FAF2: variants seen among roughly 807,000 people sequenced by gnomAD.
FAF2 encodes the protein Fas associated factor family member 2.
In FAF2, 9 loss-of-function variants were observed where a neutral mutation model predicts 62.3. The observed-to-expected ratio is 0.14, with a 90% CI of 0.09 to 0.25. FAF2 has a LOEUF of 0.25. Among genes scored for constraint, FAF2 ranks in the 10% least tolerant of loss-of-function variants. The pLI, the probability that FAF2 is intolerant of heterozygous loss-of-function variation, is 1.00. For missense variants in FAF2, 368 were observed against 556.2 expected, an observed-to-expected ratio of 0.66 and a Z score of 3.40; for synonymous variants, 202 against 198.0, an observed-to-expected ratio of 1.02 and a Z score of -0.17.
Position 176,478,500 on chromosome 5 carries a change from AG to A in FAF2, c.64-682del, listed in dbSNP as rs1273158683. On this transcript the variant is annotated intron_variant, in intron 1 of 10. Transcript: ENST00000261942. ...TCTCGAAAAAAAAGTGGCGGGGGGT[AG>A]GGGGGTCGGTATGTTAGGTTTTACA... 7.2e-5 allele frequency among the ~76,000 whole-genome samples: 11 copies of A among 151,752 alleles called. No individual in the cohort carries two copies. In the South Asian group the frequency reaches 1.5e-3, roughly 20 times the overall value.
intron 1 of FAF2, among the ~76,000 whole-genome samples, chr5:176,465,760 G>T (rs1367164728): frequency 6.6e-6 from 1 of 152,178 alleles, no homozygotes; most frequent in Non-Finnish European, 1.5e-5. Context: ...GGGAGGCTGA[G>T]GCAGGAGAAT....
At chr5:176,451,853 TATACAC>T (rs1166822170) in intron 1 of FAF2, among the ~76,000 whole-genome samples, 854 of 46,846 alleles carry the variant, frequency 0.018, 129 homozygotes, top group African/African-American at 0.073. Flanking sequence ...CACACATATA[TATACAC>T]ATATATATAT....
intron 8 of FAF2, among the ~76,000 whole-genome samples, chr5:176,498,202 A>G (rs900782132): frequency 6.6e-6 from 1 of 152,254 alleles, no homozygotes; most frequent in African/African-American, 2.4e-5. Context: ...AAAAAAATGT[A>G]TAGAACAGGA....
intron 1 of FAF2, among the ~76,000 whole-genome samples, chr5:176,450,144 T>A (rs1296517790): frequency 6.6e-6 from 1 of 152,242 alleles, no homozygotes; most frequent in Non-Finnish European, 1.5e-5. Flanking sequence ...TAGACTTCAC[T>A]ATAATAAATT....
chr5:176,506,615 T>A (rs137947269), intron 10 of FAF2, among the ~76,000 whole-genome samples, 153 bp from the exon 11 acceptor site: 1 of 152,304 alleles, frequency 6.6e-6, no homozygotes, highest in East Asian at 1.9e-4. Context: ...ATGAAAAGAT[T>A]AGAATTCCAG....
chr5:176,477,210 G>T lies in FAF2; in HGVS notation c.64-1978G>T, dbSNP rs1758715626. 2.1e-5 allele frequency among the ~76,000 whole-genome samples: 3 copies of T among 142,498 alleles called. No homozygotes were observed. In the Admixed American group the frequency reaches 2.2e-4, roughly 10 times the overall value. The allele number at this position is 142,498 out of a possible 152,430, so 93.5% of individuals were successfully genotyped here. On this transcript the variant is annotated intron_variant, in intron 1 of 10. Coordinates refer to ENST00000261942, the MANE Select transcript of FAF2 (RefSeq NM_014613.3). ...TCTGACCGCCTCGGCCTCCCAAAGTGCTGAGATTACAGGCATGAGCCACCG... is the reference window on the plus strand; with the variant it reads ...TCTGACCGCCTCGGCCTCCCAAAGTTCTGAGATTACAGGCATGAGCCACCG...
chr5:176,501,264 A>AT (rs2113747284), intron 10 of FAF2, among the ~76,000 whole-genome samples: 1 of 152,362 alleles, frequency 6.6e-6, no homozygotes, highest in East Asian at 1.9e-4. Context: ...AAGAAAATTT[A>AT]TTTAAACTGA....
intron 5 of FAF2, among the ~76,000 whole-genome samples, chr5:176,493,565 C>T (rs1759012140): frequency 6.6e-6 from 1 of 152,214 alleles, no homozygotes. Flanking sequence ...GGCCTGGGAT[C>T]AGGGTTGTCT....
intron 8 of FAF2, 138 bp from the exon 9 acceptor site, chr5:176,498,776 T>A: frequency 1.3e-6 from 1 of 743,614 alleles, no homozygotes; most frequent in Non-Finnish European, 1.9e-6. Flanking sequence ...TGGAATCCCT[T>A]ATGGCAGTGT....
chr5:176,478,515 T>G (rs1758739728), intron 1 of FAF2, among the ~76,000 whole-genome samples: 1 of 152,058 alleles, frequency 6.6e-6, no homozygotes, highest in African/African-American at 2.4e-5. Flanking sequence ...GGTCGGTATG[T>G]TAGGTTTTAC....
intron 1 of FAF2, among the ~76,000 whole-genome samples, chr5:176,478,589 T>C (rs887016050): frequency 2.0e-5 from 3 of 152,234 alleles, no homozygotes; most frequent in Non-Finnish European, 4.4e-5. Flanking sequence ...ATGAAAGGCA[T>C]GACGTTTTAC....
At chr5:176,453,883 G>A (rs1225666329) in intron 1 of FAF2, among the ~76,000 whole-genome samples, 7 of 151,520 alleles carry the variant, frequency 4.6e-5, no homozygotes, top group African/African-American at 1.2e-4. Context: ...GTGAAACCCC[G>A]TCTCTACTAA....
intron 10 of FAF2, among the ~76,000 whole-genome samples, chr5:176,505,112 C>T (rs1025033497): frequency 1.3e-5 from 2 of 151,464 alleles, no homozygotes; most frequent in Non-Finnish European, 2.9e-5. Context: ...CCAGAGAATT[C>T]ATCATTTTGA....
chr5:176,453,184 G>C (rs2113713690), intron 1 of FAF2: 1 of 152,302 alleles, frequency 6.6e-6, no homozygotes, highest in East Asian at 1.9e-4. Flanking sequence ...AGCTATTTCA[G>C]ATGGGAAAGA....
intron 9 of FAF2, 129 bp downstream of exon 9, chr5:176,499,214 A>C: frequency 1.2e-6 from 1 of 841,606 alleles, no homozygotes; most frequent in Non-Finnish European, 1.6e-6. Flanking sequence ...AAAAAGGAAA[A>C]AGGAAAGAAA....
intron 1 of FAF2, among the ~76,000 whole-genome samples, chr5:176,457,653 G>GGT (rs34549094): frequency 0.19 from 29,021 of 149,720 alleles, 3,067 homozygotes; most frequent in African/African-American, 0.29. Context: ...TGTTTTCAGG[G>GGT]GTGTGTGTGT....
intron 1 of FAF2, among the ~76,000 whole-genome samples, chr5:176,459,412 C>G (rs1758335947): frequency 6.6e-6 from 1 of 152,018 alleles, no homozygotes; most frequent in Non-Finnish European, 1.5e-5. Flanking sequence ...GCCCACGCCA[C>G]CACACCCAGC....
At chr5:176,473,752 T>C (rs894970391) in intron 1 of FAF2, among the ~76,000 whole-genome samples, 5 of 152,258 alleles carry the variant, frequency 3.3e-5, no homozygotes, top group South Asian at 2.1e-4. Flanking sequence ...TGGGATCTTT[T>C]TCAGTTGACT....
intron 1 of FAF2, among the ~76,000 whole-genome samples, chr5:176,467,127 TC>T (rs1449867036): frequency 5.4e-4 from 69 of 128,492 alleles, no homozygotes; most frequent in African/African-American, 1.7e-3. Flanking sequence ...GTTTTTTTTT[TC>T]CTTTTTTTTT....
Sources: gnomAD v4.1 joint callset for allele counts (sites outside exome capture counted in the v4.1 genomes callset) on GRCh38, gnomAD v4.1.1 for gene constraint, MANE v1.5 for transcripts, NCBI Gene and HGNC (gene_info 2026-07-23, HGNC 2026-07-21) for gene names.